Variants in EFNA5 observed in about 807,000 individuals in gnomAD.
The protein encoded by EFNA5 is ephrin A5.
A neutral mutation model predicts 22.9 loss-of-function variants in EFNA5; 5 were observed. The ratio of observed to expected loss-of-function variants is 0.22; its 90% CI spans 0.11 to 0.46. The LOEUF is 0.46. EFNA5 is among the 20% of genes least tolerant of loss of function. The pLI is 0.99. For missense variants in EFNA5, 237 were observed against 293.3 expected, an observed-to-expected ratio of 0.81 and a Z score of 1.40; for synonymous variants, 113 against 112.2, an observed-to-expected ratio of 1.01 and a Z score of -0.04.
intron 1 of EFNA5, among the ~76,000 whole-genome samples, chr5:107,504,025 C>T (rs1267967952): frequency 1.3e-5 from 2 of 152,136 alleles, no homozygotes; most frequent in African/African-American, 2.4e-5. Context: ...GGAAAATTCA[C>T]TTTTATACAT....
chr5:107,661,395 G>A (rs1580588430), intron 1 of EFNA5, among the ~76,000 whole-genome samples: 1 of 152,216 alleles, frequency 6.6e-6, no homozygotes, highest in Non-Finnish European at 1.5e-5. Context: ...ATACTTTGGA[G>A]GTCTGCAAAT....
intron 1 of EFNA5, among the ~76,000 whole-genome samples, chr5:107,489,577 AT>A (rs1746743573): frequency 6.6e-6 from 1 of 152,164 alleles, no homozygotes; most frequent in African/African-American, 2.4e-5. Context: ...CTAAGTTCAC[AT>A]TCTAAAAGGT....
At chr5:107,507,934 C>T (rs72789644) in intron 1 of EFNA5, among the ~76,000 whole-genome samples, 22,623 of 152,050 alleles carry the variant, frequency 0.15, 1,897 homozygotes, top group Middle Eastern at 0.21. Flanking sequence ...CAGCTGTGGG[C>T]TGGTGCATGC....
At chr5:107,647,228 T>C (rs962026011) in intron 1 of EFNA5, among the ~76,000 whole-genome samples, 1 of 152,130 alleles carries the variant, frequency 6.6e-6, no homozygotes, top group African/African-American at 2.4e-5. Context: ...ATTCTGGAAA[T>C]TTAAGAGCCA....
Position 107,535,850 on chromosome 5 carries a change from T to C in EFNA5, c.126-108341A>G, listed in dbSNP as rs73777890. ...GGAACATCAATACTGTGTGCAGGGT[T>C]TAGAGGAAATACTAACATGGTTTGT... On this transcript the variant is annotated intron_variant, in intron 1 of 4. Transcript: ENST00000333274. Among the ~76,000 whole-genome samples, 597 of 152,328 alleles carry C rather than the reference T, an allele frequency of 3.9e-3. 8 individuals are homozygous for C. The highest frequency in any genetic ancestry group is 0.014 in the African/African-American group (573 of 41,572).
intron 1 of EFNA5, among the ~76,000 whole-genome samples, chr5:107,476,057 T>TGTATACATATATATATGTATA: frequency 1.0e-5 from 1 of 100,438 alleles, no homozygotes; most frequent in African/African-American, 5.0e-5. Context: ...TATATATATA[T>TGTATACATATATATATGTATA]TTTTTTTTTT....
intron 1 of EFNA5, among the ~76,000 whole-genome samples, chr5:107,516,363 C>G (rs567048382): frequency 6.6e-6 from 1 of 151,540 alleles, no homozygotes; most frequent in Admixed American, 6.6e-5. Flanking sequence ...TAAGCAGCCA[C>G]GATATACAGG....
chr5:107,424,331 C>T (rs577012544), intron 2 of EFNA5, among the ~76,000 whole-genome samples: 1 of 151,198 alleles, frequency 6.6e-6, no homozygotes, highest in East Asian at 1.9e-4. Context: ...CTCAGCCTCC[C>T]AAGTAGCTGA....
intron 1 of EFNA5, among the ~76,000 whole-genome samples, chr5:107,449,104 A>T (rs546782138): frequency 8.5e-5 from 13 of 152,166 alleles, no homozygotes; most frequent in Non-Finnish European, 1.6e-4. Context: ...AGTTTCACAC[A>T]TGGAACATGC....
At chr5:107,592,155 C>T (rs1161155247) in intron 1 of EFNA5, among the ~76,000 whole-genome samples, 1 of 137,320 alleles carries the variant, frequency 7.3e-6, no homozygotes, top group East Asian at 2.1e-4. Context: ...AATGAAGAAT[C>T]AAACATTAAA....
chr5:107,580,438 C>T (rs1749017738), intron 1 of EFNA5, among the ~76,000 whole-genome samples: 1 of 152,024 alleles, frequency 6.6e-6, no homozygotes, highest in South Asian at 2.1e-4. Context: ...AATACTTACA[C>T]CCTTTCACAG....
Position 107,544,492 on chromosome 5 carries a change from A to C in EFNA5, c.126-116983T>G, listed in dbSNP as rs535501436. Among the ~76,000 whole-genome samples, 19 of 152,274 alleles carry C rather than the reference A, an allele frequency of 1.2e-4. No homozygotes were observed. The East Asian group carries it at 3.7e-3, about 29-fold the overall frequency. ...CAGGAGCAAGGTTGTTCTTGAAGAG[A>C]GGTTGTGTTCTGTGAATGATACAAA... On this transcript the variant is annotated intron_variant, in intron 1 of 4. Coordinates refer to ENST00000333274, the MANE Select transcript of EFNA5 (RefSeq NM_001962.3).
chr5:107,492,373 T>C lies in EFNA5; in HGVS notation c.126-64864A>G, dbSNP rs372768277. 2.0e-5 allele frequency among the ~76,000 whole-genome samples: 3 copies of C among 152,350 alleles called. No homozygotes were observed. The East Asian group carries it at 5.8e-4, about 29-fold the overall frequency. On this transcript the variant is annotated intron_variant, in intron 1 of 4. Transcript: ENST00000333274. ...TGTCATCCTTTTATTATGATAACTATTCAGCTAGAAAGATCATTACCTACT... is the reference window on the plus strand; with the variant it reads ...TGTCATCCTTTTATTATGATAACTACTCAGCTAGAAAGATCATTACCTACT...
intron 1 of EFNA5, among the ~76,000 whole-genome samples, chr5:107,663,983 G>A (rs1219415060): frequency 3.3e-5 from 5 of 152,064 alleles, no homozygotes; most frequent in Non-Finnish European, 7.4e-5. Context: ...AATGAAAGCT[G>A]AGCTAACCAT....
intron 1 of EFNA5, among the ~76,000 whole-genome samples, chr5:107,531,972 T>C (rs1233311065): frequency 1.3e-5 from 2 of 152,140 alleles, no homozygotes; most frequent in African/African-American, 4.8e-5. Context: ...GGTGGCTAGG[T>C]CACCAGGGGT....
intron 1 of EFNA5, among the ~76,000 whole-genome samples, chr5:107,516,194 G>GTGTGTGTT (rs1554064437): frequency 6.6e-6 from 1 of 151,596 alleles, no homozygotes; most frequent in African/African-American, 2.4e-5. Flanking sequence ...GTGTGTGTGT[G>GTGTGTGTT]TGTGTGTGTG....
At chr5:107,396,023 C>G (rs868600466) in intron 2 of EFNA5, among the ~76,000 whole-genome samples, 2 of 152,122 alleles carry the variant, frequency 1.3e-5, no homozygotes, top group Non-Finnish European at 2.9e-5. Flanking sequence ...ATTCCTCATT[C>G]GTAAGATATT....
chr5:107,569,200 A>G (rs1452184854), intron 1 of EFNA5, among the ~76,000 whole-genome samples: 2 of 151,886 alleles, frequency 1.3e-5, no homozygotes, highest in Non-Finnish European at 2.9e-5. Flanking sequence ...CCTTCCCACA[A>G]GAGTCTCACA....
chr5:107,670,838 ACTCGCACC>A lies in EFNA5; in HGVS notation c.-233_-226del. 5.4e-6 allele frequency: 3 copies of A among 560,470 alleles called. No homozygotes were observed. The South Asian group carries it at 6.6e-5, about 12-fold the overall frequency. 34.7% of individuals were successfully genotyped at this position (560,470 alleles called of 1,614,324 possible). On this transcript the variant is annotated 5_prime_UTR_variant, in exon 1 of 5. Coordinates refer to ENST00000333274, the MANE Select transcript of EFNA5 (RefSeq NM_001962.3). The stretch of plus-strand genomic sequence containing the variant: ...GTGGGATGGGGGGTGATAAAGACAA[ACTCGCACC>A]CCCACTGGAGGGTTCAGGAGGAAAA...
Sources: gnomAD v4.1 joint callset for allele counts (sites outside exome capture counted in the v4.1 genomes callset) on GRCh38, gnomAD v4.1.1 for gene constraint, MANE v1.5 for transcripts, NCBI Gene and HGNC (gene_info 2026-07-23, HGNC 2026-07-21) for gene names.